The following CCDC28A variants were observed in gnomAD, a reference collection of about 807,000 sequenced individuals.
CCDC28A encodes the protein coiled-coil domain containing 28A, also known as coiled-coil domain-containing protein 28A.
A neutral mutation model predicts 22.1 loss-of-function variants in CCDC28A; 24 were observed. The observed-to-expected ratio is 1.09, with a 90% CI of 0.79 to 1.53. The LOEUF (loss-of-function observed/expected upper bound fraction) is 1.53. CCDC28A is among the 40% of genes most tolerant of loss of function. The pLI, the probability that CCDC28A is intolerant of heterozygous loss-of-function variation, is 0.00. For synonymous variants in CCDC28A, 83 were observed against 74.7 expected, an observed-to-expected ratio of 1.11 and a Z score of -0.57; for missense variants, 170 against 210.7, an observed-to-expected ratio of 0.81 and a Z score of 1.20.
chr6:138,777,744 T>A (rs1401054057), intron 2 of CCDC28A, among the ~76,000 whole-genome samples: 6 of 152,200 alleles, frequency 3.9e-5, no homozygotes, highest in Admixed American at 3.9e-4. Context: ...GTTTTATCTT[T>A]TGTGTTTGTT....
rs908240313 is a variant in CCDC28A at position 138,786,803 on chromosome 6, A to G, written c.477+1422A>G. 3.9e-5 allele frequency among the ~76,000 whole-genome samples: 6 copies of G among 152,274 alleles called. No homozygotes were observed. The East Asian group carries it at 9.6e-4, about 24-fold the overall frequency. The stretch of plus-strand genomic sequence containing the variant: ...GCTAATTTTTTTATTTTTAGTAGAG[A>G]TAGGGTTTCACCATGTTGTACAGGC... On this transcript the variant is annotated intron_variant, in intron 4 of 5. Transcript: ENST00000617445.
Position 138,780,005 on chromosome 6 carries a change from G to C in CCDC28A, c.322+20G>C, listed in dbSNP as rs763953486. ...CATTTGGTAAGCAATAGATGTTTCT[G>C]TATTATTTTTTTCTCTAAGATGTTT... On this transcript the variant is annotated intron_variant, in intron 3 of 5. Transcript: ENST00000617445. The C allele has an allele frequency of 6.4e-7, 1 of 1,568,168 alleles. No individual in the cohort carries two copies.
At chr6:138,776,336 CAACTT>C (rs1774934507) in intron 2 of CCDC28A, 58 bp downstream of exon 2, 6 of 1,376,646 alleles carry the variant, frequency 4.4e-6, no homozygotes, top group African/African-American at 1.4e-5. Context: ...AATCCTGACT[CAACTT>C]CTTCTTAAAC....
At chr6:138,783,547 C>T (rs979827802) in intron 3 of CCDC28A, among the ~76,000 whole-genome samples, 6 of 151,774 alleles carry the variant, frequency 4.0e-5, no homozygotes, top group African/African-American at 1.5e-4. Context: ...ACGCCATTCT[C>T]CTGCCTCAGC....
chr6:138,778,799 G>T (rs1248277038), intron 2 of CCDC28A, among the ~76,000 whole-genome samples: 2 of 147,408 alleles, frequency 1.4e-5, no homozygotes, highest in Admixed American at 6.8e-5. Flanking sequence ...ACGGAGTCTC[G>T]CTCTGTCACC....
intron 4 of CCDC28A, among the ~76,000 whole-genome samples, chr6:138,787,250 A>G (rs922692114): frequency 6.6e-6 from 1 of 152,132 alleles, no homozygotes; most frequent in Non-Finnish European, 1.5e-5. Flanking sequence ...CAAGAATGTG[A>G]TTAATGTCCT....
At chr6:138,781,779 C>T in intron 3 of CCDC28A, among the ~76,000 whole-genome samples, 1 of 151,914 alleles carries the variant, frequency 6.6e-6, no homozygotes, top group Non-Finnish European at 1.5e-5. Flanking sequence ...AGATACTAAC[C>T]CTCTGACCTC....
chr6:138,788,568 CTTTTTTTTTTT>C (rs3070099), intron 5 of CCDC28A, among the ~76,000 whole-genome samples, 180 bp downstream of exon 5: 7 of 92,976 alleles, frequency 7.5e-5, no homozygotes, highest in Non-Finnish European at 1.1e-4. Context: ...TTTTTCTTTT[CTTTTTTTTTTT>C]TTTTTTTTTT....
intron 4 of CCDC28A, among the ~76,000 whole-genome samples, chr6:138,787,630 T>A (rs1775112689): frequency 6.6e-6 from 1 of 152,194 alleles, no homozygotes; most frequent in Non-Finnish European, 1.5e-5. Flanking sequence ...ATTGTTATTA[T>A]GCCTGGTTTT....
rs530967957 is a variant in CCDC28A at position 138,785,594 on chromosome 6, TA to T, written c.477+214del. ...CCTCATCCCCTAGCAACCCCTAATC[TA>T]CTTTCTGCCTTTATGGATTTGCCTA... On this transcript the variant is annotated intron_variant, in intron 4 of 5. Coordinates refer to ENST00000617445, the MANE Select transcript of CCDC28A (RefSeq NM_015439.3). Among the ~76,000 whole-genome samples the T allele has an allele frequency of 1.5e-3, 231 of 152,330 alleles. 1 individual carries two copies. Among genetic ancestry groups the T allele is most frequent in the African/African-American group, 5.2e-3 (217 of 41,570 alleles).
intron 4 of CCDC28A, among the ~76,000 whole-genome samples, chr6:138,785,620 AT>A (rs887071710): frequency 6.6e-6 from 1 of 152,118 alleles, no homozygotes; most frequent in Non-Finnish European, 1.5e-5. Flanking sequence ...GGATTTGCCT[AT>A]TGTGGACATT....
At chr6:138,786,954 A>C (rs902642064) in intron 4 of CCDC28A, among the ~76,000 whole-genome samples, 1 of 152,138 alleles carries the variant, frequency 6.6e-6, no homozygotes, top group African/African-American at 2.4e-5. Context: ...CTCTTAACAG[A>C]TAATAAGTAT....
At chr6:138,791,843 C>T (rs1775175197) in intron 5 of CCDC28A, among the ~76,000 whole-genome samples, 2 of 152,196 alleles carry the variant, frequency 1.3e-5, no homozygotes, top group African/African-American at 2.4e-5. Context: ...GATGGCAGTG[C>T]TTATGTCTGT....
At chr6:138,790,767 C>G (rs1016837564) in intron 5 of CCDC28A, among the ~76,000 whole-genome samples, 2 of 152,214 alleles carry the variant, frequency 1.3e-5, no homozygotes, top group African/African-American at 2.4e-5. Flanking sequence ...AGGACCATGG[C>G]AGACATTGCT....
chr6:138,776,401 G>A, intron 2 of CCDC28A, 123 bp downstream of exon 2: 1 of 712,874 alleles, frequency 1.4e-6, no homozygotes, highest in South Asian at 1.8e-5. Context: ...CACCCATTAT[G>A]CGTGATTTAG....
chr6:138,780,902 A>G (rs1170014140), intron 3 of CCDC28A, among the ~76,000 whole-genome samples: 1 of 152,182 alleles, frequency 6.6e-6, no homozygotes, highest in Non-Finnish European at 1.5e-5. Flanking sequence ...AGCAATTTCA[A>G]TAATATGCAT....
intron 5 of CCDC28A, among the ~76,000 whole-genome samples, chr6:138,792,171 C>A (rs1055688536): frequency 6.6e-6 from 1 of 152,106 alleles, no homozygotes; most frequent in Non-Finnish European, 1.5e-5. Context: ...TTTTTTTAAT[C>A]TAGTGTCTTG....
chr6:138,776,226 G>A lies in CCDC28A; in HGVS notation c.106G>A (p.Gly36Arg), dbSNP rs776898848. The change falls in exon 2 of 6, where the codon GGG (glycine) becomes AGG (arginine). Residue 36 changes from glycine (G) to arginine (R), a missense_variant. Coordinates refer to ENST00000617445, the MANE Select transcript of CCDC28A (RefSeq NM_015439.3). ...KNAIPVSKST[G>R]FSNPASQSTS... The stretch of plus-strand genomic sequence containing the variant: ...TGCCATTCCAGTGAGTAAAAGCACA[G>A]GGTTTTCAAATCCTGCATCACAGTC... 1.2e-6 allele frequency: 2 copies of A among 1,613,988 alleles called. No homozygotes were observed. Among genetic ancestry groups the A allele is most frequent in the South Asian group, 1.1e-5 (1 of 91,084 alleles).
chr6:138,777,380 G>T (rs1285187814), intron 2 of CCDC28A, among the ~76,000 whole-genome samples: 1 of 152,232 alleles, frequency 6.6e-6, no homozygotes, highest in African/African-American at 2.4e-5. Context: ...TAAATTATCA[G>T]AATGGGGTTT....
Sources: gnomAD v4.1 joint callset for allele counts (sites outside exome capture counted in the v4.1 genomes callset) on GRCh38, gnomAD v4.1.1 for gene constraint, MANE v1.5 for transcripts, NCBI Gene and HGNC (gene_info 2026-07-23, HGNC 2026-07-21) for gene names.